SLCO1A2: variants seen among roughly 807,000 people sequenced by gnomAD.
SLCO1A2 encodes solute carrier organic anion transporter family member 1A2.
In SLCO1A2, 67 loss-of-function variants were observed where a neutral mutation model predicts 69.0. The ratio of observed to expected loss-of-function variants is 0.97; its 90% CI spans 0.80 to 1.19. The LOEUF is 1.19. SLCO1A2 is among the 50% of genes most tolerant of loss of function. The probability of loss-of-function intolerance (pLI) is 0.00; values close to 1 mark genes in which losing one functional copy is unlikely to be tolerated. For synonymous variants in SLCO1A2, 260 were observed against 265.9 expected (o/e 0.98, Z 0.22); for missense variants, 787 against 793.7 (o/e 0.99, Z 0.10).
intron 2 of SLCO1A2, among the ~76,000 whole-genome samples, chr12:21,354,666 C>T (rs186384504): frequency 6.6e-6 from 1 of 152,188 alleles, no homozygotes; most frequent in African/African-American, 2.4e-5. Context: ...TAGCTATGGT[C>T]GTAGGGAAAC....
chr12:21,322,608 T>G (rs1951768648), intron 2 of SLCO1A2, among the ~76,000 whole-genome samples: 1 of 152,162 alleles, frequency 6.6e-6, no homozygotes, highest in Non-Finnish European at 1.5e-5. Context: ...GGTTCTATCA[T>G]GCGGATAAAG....
At chr12:21,371,754 G>A (rs900195522) in intron 2 of SLCO1A2, among the ~76,000 whole-genome samples, 9 of 152,124 alleles carry the variant, frequency 5.9e-5, no homozygotes, top group African/African-American at 1.9e-4. Context: ...TGTAATCCCA[G>A]CACTTTGGGA....
chr12:21,322,400 T>A (rs1334462553), intron 2 of SLCO1A2, among the ~76,000 whole-genome samples: 2 of 152,208 alleles, frequency 1.3e-5, no homozygotes, highest in Non-Finnish European at 2.9e-5. Flanking sequence ...TTATACATTT[T>A]AGAGAGACAT....
chr12:21,349,562 C>T (rs905847922), intron 2 of SLCO1A2, among the ~76,000 whole-genome samples: 8 of 152,118 alleles, frequency 5.3e-5, no homozygotes, highest in African/African-American at 1.9e-4. Context: ...TCAGAATTAT[C>T]TTCTTAAAAT....
chr12:21,376,394 A>G, intron 1 of SLCO1A2: 1 of 303,336 alleles, frequency 3.3e-6, no homozygotes, highest in Non-Finnish European at 7.0e-6. Flanking sequence ...ATGCAAATGT[A>G]TGAAATTACT....
At chr12:21,365,077 T>C (rs145910894) in intron 2 of SLCO1A2, among the ~76,000 whole-genome samples, 3,893 of 152,134 alleles carry the variant, frequency 0.026, 65 homozygotes, top group East Asian at 0.052. Flanking sequence ...AAAAAAGAGC[T>C]CTCATTGCCA....
At chr12:21,412,529 T>A (rs1364411153) in intron 1 of SLCO1A2, among the ~76,000 whole-genome samples, 2 of 152,260 alleles carry the variant, frequency 1.3e-5, no homozygotes, top group African/African-American at 2.4e-5. Context: ...AGTCTATTAA[T>A]GTGATTAATT....
chr12:21,306,141 T>G (rs899274264), intron 5 of SLCO1A2, among the ~76,000 whole-genome samples: 2 of 152,234 alleles, frequency 1.3e-5, no homozygotes. Context: ...TTCAGAACTA[T>G]AGCGTACTTG....
intron 2 of SLCO1A2, among the ~76,000 whole-genome samples, chr12:21,367,717 A>T (rs1224590655): frequency 6.6e-6 from 1 of 152,110 alleles, no homozygotes; most frequent in Non-Finnish European, 1.5e-5. Context: ...ATTCATCAGA[A>T]ATTAATAAAG....
chr12:21,367,351 T>A (rs768607570), intron 2 of SLCO1A2, among the ~76,000 whole-genome samples: 6 of 152,042 alleles, frequency 3.9e-5, no homozygotes, highest in Non-Finnish European at 5.9e-5. Flanking sequence ...AATGGAAGAA[T>A]GATGGGAGTA....
At chr12:21,321,762 T>C (rs1951658681) in intron 2 of SLCO1A2, among the ~76,000 whole-genome samples, 1 of 152,224 alleles carries the variant, frequency 6.6e-6, no homozygotes, top group Non-Finnish European at 1.5e-5. Context: ...AGGTATTTTA[T>C]TACTTCCATT....
At chr12:21,312,730 A>G (rs1006808736) in intron 4 of SLCO1A2, among the ~76,000 whole-genome samples, 1 of 152,114 alleles carries the variant, frequency 6.6e-6, no homozygotes, top group Non-Finnish European at 1.5e-5. Flanking sequence ...AAATGGGGCA[A>G]TGGCTGGTCA....
At chr12:21,326,934 T>C (rs905352415) in intron 2 of SLCO1A2, among the ~76,000 whole-genome samples, 2 of 152,130 alleles carry the variant, frequency 1.3e-5, no homozygotes, top group Non-Finnish European at 2.9e-5. Context: ...CTGCAGAAAC[T>C]TGCGTAAGTA....
rs1409992366 is a variant in SLCO1A2, at chr12:21,352,683, T to C, written c.-62-17974A>G. On this transcript the variant is annotated intron_variant, in intron 2 of 15. Transcript: ENST00000307378. ...TTGTTCAGAATACACAAGTGTTGGC[T>C]CTTCCATCCACAGCCAAAAGCATAA... Among the ~76,000 whole-genome samples, 10 of 152,250 alleles carry C rather than the reference T, an allele frequency of 6.6e-5. No homozygotes were observed. In the East Asian group the frequency reaches 1.9e-3, roughly 29 times the overall value.
At chr12:21,313,285 C>A (rs531873297) in intron 4 of SLCO1A2, among the ~76,000 whole-genome samples, 1 of 152,312 alleles carries the variant, frequency 6.6e-6, no homozygotes, top group South Asian at 2.1e-4. Flanking sequence ...AAAAATGATT[C>A]TAATCTTCAA....
chr12:21,378,134 T>C, intron 1 of SLCO1A2: 2 of 1,072,392 alleles, frequency 1.9e-6, no homozygotes, highest in Non-Finnish European at 1.4e-6. Flanking sequence ...TATGTGAAAA[T>C]TGTTTCTTTG....
chr12:21,300,570 C>G lies in SLCO1A2; in HGVS notation c.689-1G>C. On this transcript the variant is annotated splice_acceptor_variant, in intron 7 of 14. Coordinates refer to ENST00000683939, the MANE Select transcript of SLCO1A2 (RefSeq NM_001386879.1). LOFTEE classifies it high-confidence loss of function. ...TCAGTGGGAGTTATGATCAGATCAT[C>G]TGTAAAAAAATACACACACTGTTAT... is the stretch of plus-strand genomic sequence containing the variant. 1 of 1,597,574 alleles carries G rather than the reference C, an allele frequency of 6.3e-7. No homozygotes were observed. Among genetic ancestry groups the G allele is most frequent in the Non-Finnish European group, 8.5e-7 (1 of 1,171,288 alleles).
intron 6 of SLCO1A2, among the ~76,000 whole-genome samples, chr12:21,304,049 G>C (rs1356288961): frequency 6.6e-6 from 1 of 152,130 alleles, no homozygotes; most frequent in African/African-American, 2.4e-5. Context: ...TACAGACAAA[G>C]TAATGAGAAC....
intron 13 of SLCO1A2, 23 bp from the exon 14 acceptor site, chr12:21,274,609 A>T (rs372652195): frequency 2.4e-5 from 34 of 1,406,492 alleles, no homozygotes; most frequent in Non-Finnish European, 3.3e-5. Context: ...GGGAAAGAAA[A>T]ATCTATCAAC....
Sources: gnomAD v4.1 joint callset for allele counts (sites outside exome capture counted in the v4.1 genomes callset) on GRCh38, gnomAD v4.1.1 for gene constraint, MANE v1.5 for transcripts, NCBI Gene and HGNC (gene_info 2026-07-23, HGNC 2026-07-21) for gene names.